The following SH3RF1 variants were observed in gnomAD, a reference collection of about 807,000 sequenced individuals.
SH3RF1 encodes SH3 domain containing ring finger 1, also known as E3 ubiquitin-protein ligase SH3RF1.
A neutral mutation model predicts 74.0 loss-of-function variants in SH3RF1; 32 were observed. The ratio of observed to expected loss-of-function variants is 0.43; its 90% confidence interval spans 0.33 to 0.58. The LOEUF (loss-of-function observed/expected upper bound fraction) is 0.58. Ranked by LOEUF, SH3RF1 falls within the 20% of genes least tolerant of loss-of-function variation. The pLI, the probability that SH3RF1 is intolerant of heterozygous loss-of-function variation, is 0.05. For missense variants in SH3RF1, 954 were observed against 1,130.9 expected, an observed-to-expected ratio of 0.84 and a Z score of 2.24; for synonymous variants, 396 against 439.6, an observed-to-expected ratio of 0.90 and a Z score of 1.24.
Position 169,122,193 on chromosome 4 carries a change from G to T in SH3RF1, c.1253C>A (p.Thr418Asn). 1 of 1,613,632 alleles carries T rather than the reference G, an allele frequency of 6.2e-7. No homozygotes were observed. The highest frequency in any genetic ancestry group is 8.5e-7 in the Non-Finnish European group (1 of 1,179,946). ...TVLASTPPGA[T>N]AAAAAAGMGP... The stretch of plus-strand genomic sequence containing the variant: ...CATTCCAGCAGCAGCAGCAGCGGCG[G>T]TGGCGCCTGGTGGTGTGGAGGCAAG... The change falls in exon 7 of 12, where the codon ACC becomes AAC. Residue 418 changes from threonine (T) to asparagine (N), a missense_variant. Physicochemically the swap from Thr to Asn is moderately conservative, Grantham distance 65. Transcript: ENST00000284637.
chr4:169,198,239 C>G (rs1271664552), intron 2 of SH3RF1, among the ~76,000 whole-genome samples: 2 of 152,178 alleles, frequency 1.3e-5, no homozygotes, highest in Non-Finnish European at 1.5e-5. Context: ...GCTTTCAACA[C>G]TTTAAACCAC....
At chr4:169,169,596 CAAAAAATAAA>C (rs749193020) in intron 2 of SH3RF1, among the ~76,000 whole-genome samples, 6 of 150,046 alleles carry the variant, frequency 4.0e-5, no homozygotes, top group Non-Finnish European at 5.9e-5. Context: ...GACACTGTTT[CAAAAAATAAA>C]AAAAAATAAA....
At chr4:169,100,348 C>CT (rs1273886179) in intron 11 of SH3RF1, among the ~76,000 whole-genome samples, 8 of 149,768 alleles carry the variant, frequency 5.3e-5, no homozygotes, top group Admixed American at 4.7e-4. Flanking sequence ...CGTCAAATAT[C>CT]TTTTTTTTTT....
At chr4:169,143,808 T>C (rs1031192838) in intron 4 of SH3RF1, among the ~76,000 whole-genome samples, 1 of 152,236 alleles carries the variant, frequency 6.6e-6, no homozygotes, top group Non-Finnish European at 1.5e-5. Context: ...TTTCATTATC[T>C]TCACTTCTGT....
chr4:169,204,011 C>A (rs1159671021), intron 2 of SH3RF1: 1 of 152,188 alleles, frequency 6.6e-6, no homozygotes, highest in Non-Finnish European at 1.5e-5. Context: ...CTTGGCACAT[C>A]GAAGGCATTC....
At chr4:169,213,916 T>C (rs1730417898) in intron 2 of SH3RF1, among the ~76,000 whole-genome samples, 1 of 152,234 alleles carries the variant, frequency 6.6e-6, no homozygotes, top group African/African-American at 2.4e-5. Context: ...TTGATTGCTG[T>C]AGCTTTACAG....
intron 8 of SH3RF1, among the ~76,000 whole-genome samples, chr4:169,118,700 AC>A (rs1178540003): frequency 6.6e-6 from 1 of 151,970 alleles, no homozygotes; most frequent in Admixed American, 6.5e-5. Flanking sequence ...CAGGTGATCC[AC>A]CCGCCTCAGC....
chr4:169,260,936 A>T (rs1731267974), intron 2 of SH3RF1, among the ~76,000 whole-genome samples: 1 of 152,206 alleles, frequency 6.6e-6, no homozygotes, highest in Non-Finnish European at 1.5e-5. Context: ...ATAGAAATGA[A>T]ATTAAATATA....
chr4:169,204,550 C>CTTT (rs35188309), intron 2 of SH3RF1, among the ~76,000 whole-genome samples: 7 of 114,146 alleles, frequency 6.1e-5, no homozygotes, highest in African/African-American at 1.3e-4. Flanking sequence ...ATTACCTTCT[C>CTTT]TTTTTTTTTT....
intron 11 of SH3RF1, among the ~76,000 whole-genome samples, chr4:169,097,720 A>G (rs1295226514): frequency 6.6e-6 from 1 of 152,184 alleles, no homozygotes; most frequent in Non-Finnish European, 1.5e-5. Flanking sequence ...GCTTCCTGGT[A>G]TTCACACTCT....
Position 169,191,298 on chromosome 4 carries a change from CAAAAAAA to C in SH3RF1, c.394-34626_394-34620del, listed in dbSNP as rs35344441. Among the ~76,000 whole-genome samples, 5 of 113,240 alleles carry C rather than the reference CAAAAAAA, an allele frequency of 4.4e-5. No individual in the cohort carries two copies. In the East Asian group the frequency reaches 1.2e-3, roughly 27 times the overall value. 74.3% of individuals were successfully genotyped at this position (113,240 alleles called of 152,430 possible). A position where few individuals can be genotyped will look rare whatever the true frequency, so the allele number is the denominator to read the frequency against. ...AACTCAATCCCTTTTACAATAGCTGCAAAAAAAAAAAAAAAAACCTTAGGAATATACC... is the reference window on the plus strand; with the variant it reads ...AACTCAATCCCTTTTACAATAGCTGCAAAAAAAAAACCTTAGGAATATACC... On this transcript the variant is annotated intron_variant, in intron 2 of 11. Coordinates refer to ENST00000284637, the MANE Select transcript of SH3RF1 (RefSeq NM_020870.4).
intron 2 of SH3RF1, chr4:169,220,398 G>A (rs898199923): frequency 3.9e-5 from 6 of 152,090 alleles, no homozygotes; most frequent in Non-Finnish European, 7.4e-5. Context: ...AGCTTTCCTC[G>A]GTCAAAAATG....
intron 2 of SH3RF1, among the ~76,000 whole-genome samples, chr4:169,218,380 AATAT>A (rs1162299572): frequency 1.4e-5 from 2 of 141,604 alleles, no homozygotes; most frequent in East Asian, 2.0e-4. Context: ...TAGAATATAG[AATAT>A]ATATATTATA....
intron 5 of SH3RF1, 88 bp downstream of exon 5, chr4:169,136,230 A>G: frequency 7.8e-7 from 1 of 1,278,114 alleles, no homozygotes; most frequent in Non-Finnish European, 1.0e-6. Context: ...AAAATAAGCA[A>G]TGTTTGTCAG....
chr4:169,125,413 G>A (rs1036602471), intron 6 of SH3RF1, among the ~76,000 whole-genome samples: 2 of 152,130 alleles, frequency 1.3e-5, no homozygotes, highest in African/African-American at 4.8e-5. Context: ...TCTCCCCTCT[G>A]CTTGCCCTTT....
chr4:169,142,341 A>C (rs1733800908), intron 4 of SH3RF1, among the ~76,000 whole-genome samples: 1 of 152,244 alleles, frequency 6.6e-6, no homozygotes, highest in Non-Finnish European at 1.5e-5. Flanking sequence ...TAAATTAAAA[A>C]TAATGTTCTA....
At chr4:169,267,054 T>C (rs1395918442) in intron 2 of SH3RF1, among the ~76,000 whole-genome samples, 1 of 152,202 alleles carries the variant, frequency 6.6e-6, no homozygotes, top group Non-Finnish European at 1.5e-5. Context: ...AGAAAAATAA[T>C]ACTAACATGA....
At chr4:169,182,805 T>A (rs1734534071) in intron 2 of SH3RF1, among the ~76,000 whole-genome samples, 1 of 152,026 alleles carries the variant, frequency 6.6e-6, no homozygotes, top group Non-Finnish European at 1.5e-5. Flanking sequence ...CTTGAAGAGA[T>A]TACACCACAA....
At chr4:169,147,300 T>C (rs557335394) in intron 4 of SH3RF1, among the ~76,000 whole-genome samples, 2 of 152,324 alleles carry the variant, frequency 1.3e-5, no homozygotes, top group South Asian at 4.1e-4. Flanking sequence ...AAAAGAAATA[T>C]ACATGTATCT....
Sources: gnomAD v4.1 joint callset for allele counts (sites outside exome capture counted in the v4.1 genomes callset) on GRCh38, gnomAD v4.1.1 for gene constraint, MANE v1.5 for transcripts, NCBI Gene and HGNC (gene_info 2026-07-23, HGNC 2026-07-21) for gene names.